Variants in SKA1 observed in about 807,000 individuals in gnomAD.
The protein encoded by SKA1 is spindle and kinetochore associated complex subunit 1, also known as SKA complex subunit 1.
Under a neutral mutation model 31.8 loss-of-function variants are expected in SKA1, and 20 were observed. That is an observed-to-expected ratio of 0.63 (90% confidence interval 0.44 to 0.91). The LOEUF (loss-of-function observed/expected upper bound fraction) is 0.91, where lower values mean the gene tolerates loss of function less well. Ranked by LOEUF, SKA1 falls within the 40% of genes least tolerant of loss-of-function variation. SKA1 has a pLI of 0.00. For synonymous variants in SKA1, 88 were observed against 100.5 expected (o/e 0.88, Z 0.74); for missense variants, 253 against 298.2 (o/e 0.85, Z 1.12).
At chr18:50,389,567 T>C (rs2041341057) in intron 5 of SKA1, among the ~76,000 whole-genome samples, 1 of 151,910 alleles carries the variant, frequency 6.6e-6, no homozygotes, top group Non-Finnish European at 1.5e-5. Context: ...AGCTAATTTT[T>C]CTACTTTTAG....
intron 1 of SKA1, 73 bp from the exon 2 acceptor site, chr18:50,375,747 C>A: frequency 1.1e-6 from 1 of 926,574 alleles, no homozygotes; most frequent in Non-Finnish European, 1.7e-6. Flanking sequence ...ATTGACCATT[C>A]TTGGATTTCG....
chr18:50,376,009 G>T, intron 2 of SKA1, 91 bp downstream of exon 2: 5 of 731,306 alleles, frequency 6.8e-6, no homozygotes, highest in Non-Finnish European at 1.1e-5. Context: ...TTAAGTGACT[G>T]CATCTTAGGT....
At chr18:50,379,380 G>T (rs1248564502) in intron 2 of SKA1, among the ~76,000 whole-genome samples, 1 of 151,998 alleles carries the variant, frequency 6.6e-6, no homozygotes, top group Non-Finnish European at 1.5e-5. Flanking sequence ...GCTTAGGGGT[G>T]GTTTTGAATA....
At chr18:50,389,852 G>A (rs551188914) in intron 5 of SKA1, among the ~76,000 whole-genome samples, 2 of 152,196 alleles carry the variant, frequency 1.3e-5, no homozygotes, top group Non-Finnish European at 2.9e-5. Context: ...TTTGGAAAAT[G>A]CTTCCATAAA....
In SKA1 at chr18:50,375,939, T is replaced by A. The variant is rs777780386; in HGVS notation, c.88+21T>A. On this transcript the variant is annotated intron_variant, in intron 2 of 6. Transcript: ENST00000285116. ...CTGTGGTAAGTAAAACAGATTCCAC[T>A]GACTTTGTATATACAAAATGCATTT... 3 of 1,433,352 alleles carry A rather than the reference T, an allele frequency of 2.1e-6. No individual in the cohort carries two copies. In the East Asian group the frequency reaches 6.8e-5, roughly 33 times the overall value. 88.8% of individuals were successfully genotyped at this position (1,433,352 alleles called of 1,614,324 possible).
At chr18:50,376,103 A>G (rs1599721074) in intron 2 of SKA1, among the ~76,000 whole-genome samples, 185 bp downstream of exon 2, 1 of 152,234 alleles carries the variant, frequency 6.6e-6, no homozygotes, top group East Asian at 1.9e-4. Context: ...TGTAAGGTAC[A>G]TTGAACAATG....
rs145466195 is a variant in SKA1 at position 50,383,936 on chromosome 18, C to T, written c.312-1280C>T. The stretch of plus-strand genomic sequence containing the variant: ...TTATCTTGACAGCGTGCAGCGTGGC[C>T]GAGTCACACCACCTCAGTGAGGCTG... On this transcript the variant is annotated intron_variant, in intron 4 of 6. Coordinates refer to ENST00000285116, the MANE Select transcript of SKA1 (RefSeq NM_145060.4). Among the ~76,000 whole-genome samples the T allele has an allele frequency of 1.8e-3, 275 of 152,222 alleles. 2 individuals carry two copies. Among genetic ancestry groups the T allele is most frequent in the African/African-American group, 6.5e-3 (269 of 41,530 alleles).
intron 6 of SKA1, 83 bp from the exon 7 acceptor site, chr18:50,392,016 C>G (rs1206745866): frequency 2.9e-6 from 3 of 1,040,098 alleles, no homozygotes; most frequent in Non-Finnish European, 4.1e-6. Flanking sequence ...CGACTAATAC[C>G]ATTCATATTC....
chr18:50,386,174 T>G (rs1043337802), intron 5 of SKA1, among the ~76,000 whole-genome samples: 2 of 150,480 alleles, frequency 1.3e-5, no homozygotes, highest in Admixed American at 6.6e-5. Context: ...TCATTAATAG[T>G]CATATAATAT....
At chr18:50,384,871 T>TAAAAAAAAAAAAAAAAAAAAGAA (rs10608403) in intron 4 of SKA1, among the ~76,000 whole-genome samples, 2 of 82,600 alleles carry the variant, frequency 2.4e-5, no homozygotes, top group Non-Finnish European at 2.1e-5. Flanking sequence ...AAAAAAAAAT[T>TAAAAAAAAAAAAAAAAAAAAGAA]AAAAAAAAAA....
chr18:50,389,465 G>A (rs2041340318), intron 5 of SKA1, among the ~76,000 whole-genome samples: 2 of 145,832 alleles, frequency 1.4e-5, no homozygotes, highest in African/African-American at 2.6e-5. Context: ...GCATGATCTC[G>A]GCTCACTGCA....
intron 4 of SKA1, 110 bp downstream of exon 4, chr18:50,382,336 T>C: frequency 3.3e-6 from 2 of 600,752 alleles, no homozygotes; most frequent in Non-Finnish European, 5.5e-6. Context: ...AGCGATGATC[T>C]AGTTTTTTGT....
intron 5 of SKA1, among the ~76,000 whole-genome samples, chr18:50,389,543 G>A (rs2041340854): frequency 6.6e-6 from 1 of 151,852 alleles, no homozygotes; most frequent in Admixed American, 6.6e-5. Context: ...CCACAGGCGT[G>A]TGCCACCACA....
chr18:50,391,337 G>A (rs748351851), intron 6 of SKA1, 44 bp downstream of exon 6: 4 of 1,385,568 alleles, frequency 2.9e-6, no homozygotes, highest in Non-Finnish European at 3.8e-6. Flanking sequence ...ACTGTTCAGA[G>A]TATAACTAAA....
chr18:50,380,605 C>T (rs1363109297), intron 3 of SKA1, among the ~76,000 whole-genome samples: 1 of 152,154 alleles, frequency 6.6e-6, no homozygotes, highest in Non-Finnish European at 1.5e-5. Context: ...CTCTCTGCCA[C>T]CCTGAGAAAG....
intron 4 of SKA1, among the ~76,000 whole-genome samples, chr18:50,382,504 C>T (rs563914344): frequency 6.6e-6 from 1 of 151,866 alleles, no homozygotes; most frequent in South Asian, 2.1e-4. Flanking sequence ...TGTCAACTGA[C>T]GTTTGTTCCT....
At position 50,385,180 on chromosome 18, in the gene SKA1, A is replaced by C. The variant is rs16951840; in HGVS notation, c.312-36A>C. 24,644 of 1,525,656 alleles carry C rather than the reference A, an allele frequency of 0.016. 1,810 individuals are homozygous for C. In the African/African-American group the frequency reaches 0.2, roughly 12 times the overall value. The allele number at this position is 1,525,656 out of a possible 1,614,324, so 94.5% of individuals were successfully genotyped here. ...CTGTCAGTATGCTGCTTATTTCTGA[A>C]AATTGCCTGTATGTATGTACATCTG... On this transcript the variant is annotated intron_variant, in intron 4 of 6. Transcript: ENST00000285116.
intron 3 of SKA1, 39 bp downstream of exon 3, chr18:50,380,289 T>C (rs2041253147): frequency 6.6e-7 from 1 of 1,516,168 alleles, no homozygotes. Context: ...AAAAAGACAA[T>C]ACATACAAAC....
In SKA1 at chr18:50,378,340, G is replaced by A. The variant is rs114982780; in HGVS notation, c.89-1786G>A. 9.9e-3 allele frequency among the ~76,000 whole-genome samples: 1,501 copies of A among 152,216 alleles called. 18 individuals are homozygous for A. The highest frequency in any genetic ancestry group is 0.035 in the African/African-American group (1,436 of 41,522). On this transcript the variant is annotated intron_variant, in intron 2 of 6. Coordinates refer to ENST00000285116, the MANE Select transcript of SKA1 (RefSeq NM_145060.4). Reference sequence around the variant, plus strand: ...GTGGCTCCATAGCCTATAAAATAAAGTCTGGTAGTTTGTTTGCTACTTTGG... The same window carrying A: ...GTGGCTCCATAGCCTATAAAATAAAATCTGGTAGTTTGTTTGCTACTTTGG...
Sources: gnomAD v4.1 joint callset for allele counts (sites outside exome capture counted in the v4.1 genomes callset) on GRCh38, gnomAD v4.1.1 for gene constraint, MANE v1.5 for transcripts, NCBI Gene and HGNC (gene_info 2026-07-23, HGNC 2026-07-21) for gene names.